ABI3BP: variants seen among roughly 807,000 people sequenced by gnomAD.
ABI3BP encodes the protein target of Nesh-SH3.
A neutral mutation model predicts 268.6 loss-of-function variants in ABI3BP; 216 were observed. That is an observed-to-expected ratio of 0.80 (90% confidence interval 0.72 to 0.90). The LOEUF (loss-of-function observed/expected upper bound fraction) is 0.90. Ranked by LOEUF, ABI3BP falls within the 40% of genes least tolerant of loss-of-function variation. ABI3BP has a pLI of 0.00. For missense variants in ABI3BP, 2,090 were observed against 2,182.4 expected (o/e 0.96, Z 0.84); for synonymous variants, 730 against 730.0 (o/e 1.00, Z 0.00).
chr3:100,851,854 G>T (rs763532831), intron 15 of ABI3BP, 21 bp downstream of exon 15: 1 of 1,563,996 alleles, frequency 6.4e-7, no homozygotes, highest in Non-Finnish European at 8.6e-7. Flanking sequence ...TCCAAAGACA[G>T]AATTGAGAGG....
chr3:100,785,617 AG>A (rs1275475690), intron 57 of ABI3BP, among the ~76,000 whole-genome samples: 3 of 152,218 alleles, frequency 2.0e-5, no homozygotes, highest in Non-Finnish European at 4.4e-5. Context: ...TATATTCAAT[AG>A]AAGTGGTGAA....
intron 14 of ABI3BP, among the ~76,000 whole-genome samples, chr3:100,854,336 A>G (rs9813608): frequency 0.34 from 51,818 of 151,788 alleles, 9,234 homozygotes; most frequent in African/African-American, 0.43. Context: ...TCTAGCCTGC[A>G]CGACAGCAAC....
At chr3:100,889,668 G>A (rs941672225) in intron 4 of ABI3BP, among the ~76,000 whole-genome samples, 1 of 152,114 alleles carries the variant, frequency 6.6e-6, no homozygotes, top group African/African-American at 2.4e-5. Context: ...TCAATTTTAA[G>A]AACAAGAGCA....
intron 59 of ABI3BP, among the ~76,000 whole-genome samples, chr3:100,777,949 A>G (rs2096755637): frequency 6.6e-6 from 1 of 152,204 alleles, no homozygotes; most frequent in Non-Finnish European, 1.5e-5. Flanking sequence ...ACAAGTCATC[A>G]CATCTATTAT....
intron 2 of ABI3BP, among the ~76,000 whole-genome samples, chr3:100,903,831 G>A (rs577126360): frequency 2.0e-5 from 3 of 152,224 alleles, no homozygotes; most frequent in South Asian, 4.1e-4. Flanking sequence ...AGTAATTACC[G>A]CCGAATAAAG....
At chr3:100,790,987 GA>G (rs1473060203) in intron 55 of ABI3BP, among the ~76,000 whole-genome samples, 1 of 151,780 alleles carries the variant, frequency 6.6e-6, no homozygotes, top group Admixed American at 6.6e-5. Flanking sequence ...AGTCTAGAAA[GA>G]ATTTTTTTAT....
At chr3:100,965,376 A>G (rs2080882144) in intron 1 of ABI3BP, among the ~76,000 whole-genome samples, 1 of 152,198 alleles carries the variant, frequency 6.6e-6, no homozygotes, top group African/African-American at 2.4e-5. Context: ...GGGTTCATAA[A>G]AGAAAATCAA....
rs757005079 is a variant in ABI3BP at position 100,804,784 on chromosome 3, G to A, written c.3757+8C>T. The A allele has an allele frequency of 9.9e-6, 16 of 1,612,026 alleles. No homozygotes were observed. The highest frequency in any genetic ancestry group is 3.3e-4 in the Middle Eastern group (2 of 6,074). On this transcript the variant is annotated splice_region_variant and intron_variant, in intron 51 of 67. Transcript: ENST00000471714. The stretch of plus-strand genomic sequence containing the variant: ...GCATTTGGCTTAAACATGAAATAAA[G>A]CATTTACCAGGTGTGGTGTATGACA...
In ABI3BP at chr3:100,839,852, G is replaced by C. The variant is rs183559894; in HGVS notation, c.1897+220C>G. 1.2e-4 allele frequency among the ~76,000 whole-genome samples: 19 copies of C among 152,200 alleles called. No homozygotes were observed. The East Asian group carries it at 1.9e-3, about 15-fold the overall frequency. On this transcript the variant is annotated intron_variant, in intron 23 of 67. Coordinates refer to ENST00000471714, the MANE Select transcript of ABI3BP (RefSeq NM_001375547.2). The stretch of plus-strand genomic sequence containing the variant: ...CTTTAATAATTCACTTAATGGGCCA[G>C]CTTTCTGCTGTGTGTACCTAATAAC...
At chr3:100,948,242 A>G (rs2153743772) in intron 1 of ABI3BP, among the ~76,000 whole-genome samples, 1 of 152,346 alleles carries the variant, frequency 6.6e-6, no homozygotes, top group East Asian at 1.9e-4. Context: ...AGAAATGAAT[A>G]ATACAAAATT....
chr3:100,775,531 A>G (rs545138013), intron 59 of ABI3BP, among the ~76,000 whole-genome samples, 196 bp from the exon 60 acceptor site: 1 of 152,184 alleles, frequency 6.6e-6, no homozygotes. Context: ...ATTATTATAG[A>G]CATTGTGAAA....
chr3:100,874,860 A>T lies in ABI3BP; in HGVS notation c.891T>A (p.Asp297Glu). The change falls in exon 9 of 68, where the codon GAT (aspartate) becomes GAA (glutamate). Residue 297 changes from aspartate to glutamate, a missense_variant. Coordinates refer to ENST00000471714, the MANE Select transcript of ABI3BP (RefSeq NM_001375547.2). ...GCTTACCTAATTGTGTCTTGAGTGC[A>T]TCTGAAATCTCAAACATTAGGGATG... ...LPASLMFEIS[D>E]ALKTQLAKNE... 6.3e-7 allele frequency: 1 copy of T among 1,595,944 alleles called. No homozygotes were observed. Among genetic ancestry groups the T allele is most frequent in the Non-Finnish European group, 8.6e-7 (1 of 1,169,462 alleles).
chr3:100,752,920 T>C lies in ABI3BP; in HGVS notation c.4989A>G (p.Arg1663=), dbSNP rs764338129. 8 of 1,613,216 alleles carry C rather than the reference T, an allele frequency of 5.0e-6. No individual in the cohort carries two copies. Among genetic ancestry groups the C allele is most frequent in the Non-Finnish European group, 5.9e-6 (7 of 1,179,564 alleles). The change falls in exon 66 of 68, where the codon AGA becomes AGG. Residue 1663 remains arginine, a synonymous_variant. Transcript: ENST00000471714. ...SAGRDAIWTE[R]PFNSDSYSEC... ...CTGAGTAAGAGTCTGAATTAAAGGG[T>C]CTTTCAGTCCAGATGGCATCTCTTC...
At chr3:100,846,568 G>T in intron 19 of ABI3BP, 122 bp from the exon 20 acceptor site, 1 of 611,832 alleles carries the variant, frequency 1.6e-6, no homozygotes. Context: ...CATCGTCTTG[G>T]AAGATTTTGG....
chr3:100,867,006 T>G, intron 9 of ABI3BP, 50 bp from the exon 10 acceptor site: 1 of 1,428,328 alleles, frequency 7.0e-7, no homozygotes, highest in South Asian at 1.2e-5. Flanking sequence ...TGTCCAAAAA[T>G]ACCTCCCTCA....
In ABI3BP at chr3:100,851,875, C is replaced by G. The variant is rs1459970664; in HGVS notation, c.1351G>C (p.Ala451Pro). 1 of 1,590,644 alleles carries G rather than the reference C, an allele frequency of 6.3e-7. No individual in the cohort carries two copies. The highest frequency in any genetic ancestry group is 8.6e-7 in the Non-Finnish European group (1 of 1,169,358). ...GACAGAATTGAGAGGCCAGATATAC[C>G]TGTGTAGGAATCTGATATCTCAGGC... ...DEPEISDSYT[A>P]TSDRILDSIP... The change falls in exon 15 of 68, where the codon GCA becomes CCA. Residue 451 changes from alanine (A) to proline (P), a missense_variant and splice_region_variant. Coordinates refer to ENST00000471714, the MANE Select transcript of ABI3BP (RefSeq NM_001375547.2).
intron 4 of ABI3BP, among the ~76,000 whole-genome samples, chr3:100,894,944 AAAAAAAAAAAAAAAAAAAAAAAACAG>A (rs1267136840): frequency 1.9e-5 from 2 of 104,276 alleles, no homozygotes; most frequent in African/African-American, 6.3e-5. Flanking sequence ...GCTTCAAAAA[AAAAAAAAAAAAAAAAAAAAAAAACAG>A]AAAAAAAAAA....
At chr3:100,756,478 G>A (rs1215724312) in intron 63 of ABI3BP, among the ~76,000 whole-genome samples, 1 of 152,048 alleles carries the variant, frequency 6.6e-6, no homozygotes, top group Non-Finnish European at 1.5e-5. Context: ...ACACACATGG[G>A]GTATTTTCAC....
chr3:100,776,059 G>A lies in ABI3BP; in HGVS notation c.4334-724C>T, dbSNP rs138197220. 2.2e-3 allele frequency among the ~76,000 whole-genome samples: 338 copies of A among 152,282 alleles called. 1 individual carries two copies. In the Middle Eastern group the frequency reaches 0.024, roughly 11 times the overall value. ...TGGCCAGTATAGTGCTACCCTGATTGCTATATTCAACAGTGACTCCTCCAC... is the reference window on the plus strand; with the variant it reads ...TGGCCAGTATAGTGCTACCCTGATTACTATATTCAACAGTGACTCCTCCAC... On this transcript the variant is annotated intron_variant, in intron 59 of 67. Transcript: ENST00000471714.
Sources: gnomAD v4.1 joint callset for allele counts (sites outside exome capture counted in the v4.1 genomes callset) on GRCh38, gnomAD v4.1.1 for gene constraint, MANE v1.5 for transcripts, NCBI Gene and HGNC (gene_info 2026-07-23, HGNC 2026-07-21) for gene names.